The following FEM1B variants were observed in gnomAD, a reference collection of about 807,000 sequenced individuals.
The protein encoded by FEM1B is protein fem-1 homolog B.
A neutral mutation model predicts 38.6 loss-of-function variants in FEM1B; 10 were observed. That is an observed-to-expected ratio of 0.26 (90% CI 0.16 to 0.44). The LOEUF is 0.44. Ranked by LOEUF, FEM1B falls within the 20% of genes least tolerant of loss-of-function variation. FEM1B has a pLI of 1.00. For missense variants in FEM1B, 471 were observed against 786.7 expected (o/e 0.60, Z 4.80); for synonymous variants, 288 against 288.0 (o/e 1.00, Z 0.00).
rs1892768843 is a variant in FEM1B, at chr15:68,284,881, C to A, written c.249-4726C>A. On this transcript the variant is annotated intron_variant, in intron 1 of 1. Coordinates refer to ENST00000306917, the MANE Select transcript of FEM1B (RefSeq NM_015322.5). This position sits in a 1 kb window ranked among gnomAD's most constrained non-coding sequence, Gnocchi z 4.4. ...ATGATTGTAAGGGGGAGATTCCCTG[C>A]ACAAGCTCACTTTGCCTGCTGCCAT... 6.6e-6 allele frequency among the ~76,000 whole-genome samples: 1 copy of A among 152,216 alleles called. No homozygotes were observed. The highest frequency in any genetic ancestry group is 2.1e-4 in the South Asian group (1 of 4,832).
chr15:68,280,817 A>G lies in FEM1B; in HGVS notation c.248+2152A>G, dbSNP rs769254664. ...TAAGATTTCATCTCCTTGATTCTGT[A>G]TATCAGTTTAGCTTATGGATTATTA... On this transcript the variant is annotated intron_variant, in intron 1 of 1. Coordinates refer to ENST00000306917, the MANE Select transcript of FEM1B (RefSeq NM_015322.5). This position sits in a 1 kb window ranked among gnomAD's most constrained non-coding sequence, Gnocchi z 4.2. 2.6e-5 allele frequency among the ~76,000 whole-genome samples: 4 copies of G among 152,226 alleles called. No homozygotes were observed. The highest frequency in any genetic ancestry group is 4.8e-5 in the African/African-American group (2 of 41,450).
Position 68,278,689 on chromosome 15 carries a change from C to T in FEM1B, c.248+24C>T, listed in dbSNP as rs777735211. On this transcript the variant is annotated intron_variant, in intron 1 of 1. Coordinates refer to ENST00000306917, the MANE Select transcript of FEM1B (RefSeq NM_015322.5). This position sits in a 1 kb window ranked among gnomAD's most constrained non-coding sequence, Gnocchi z 5.7. ...GGGTAGGTACATCCCAAGCCAGCCT[C>T]TCTCCGACGCGCGCGGACTCGTTAA... The T allele has an allele frequency of 1.2e-5, 19 of 1,610,854 alleles. No homozygotes were observed. The African/African-American group carries it at 2.4e-4, about 20-fold the overall frequency.
chr15:68,279,425 G>A (rs2140241210), intron 1 of FEM1B, among the ~76,000 whole-genome samples: 1 of 152,246 alleles, frequency 6.6e-6, no homozygotes, highest in Non-Finnish European at 1.5e-5. Flanking sequence ...GAGTTTAATT[G>A]TACGAATTTT....
intron 1 of FEM1B, among the ~76,000 whole-genome samples, chr15:68,279,064 C>T (rs1363162806): frequency 1.3e-5 from 2 of 152,128 alleles, no homozygotes; most frequent in African/African-American, 2.4e-5. Context: ...TGAAGAACTC[C>T]GAAAGAGTTA....
At chr15:68,286,982 G>A (rs1485019256) in intron 1 of FEM1B, among the ~76,000 whole-genome samples, 1 of 149,366 alleles carries the variant, frequency 6.7e-6, no homozygotes, top group Non-Finnish European at 1.5e-5. Flanking sequence ...CTGCCTCCTG[G>A]GTTCAAGTGA....
rs1892769843 is a variant in FEM1B at position 68,284,945 on chromosome 15, A to G, written c.249-4662A>G. 6.6e-6 allele frequency among the ~76,000 whole-genome samples: 1 copy of G among 152,208 alleles called. No homozygotes were observed. Among genetic ancestry groups the G allele is most frequent in the Admixed American group, 6.5e-5 (1 of 15,278 alleles). On this transcript the variant is annotated intron_variant, in intron 1 of 1. Coordinates refer to ENST00000306917, the MANE Select transcript of FEM1B (RefSeq NM_015322.5). The surrounding 1 kb of genome is among the most constrained non-coding windows in gnomAD (Gnocchi z 4.4). ...GACTTGCTGCTCCTTGCCTTCTGCC[A>G]TGATTGTGAAGCCTCCCCACCCATG...
intron 1 of FEM1B, among the ~76,000 whole-genome samples, chr15:68,285,785 G>GCC (rs34601322): frequency 5.3e-5 from 8 of 151,026 alleles, no homozygotes; most frequent in Non-Finnish European, 7.4e-5. Flanking sequence ...CCTCTTCTTA[G>GCC]CCCCCCCGCA....
chr15:68,294,828 TAAAGA>T lies in FEM1B; in HGVS notation c.*3590_*3594del, dbSNP rs1414120672. The T allele has an allele frequency of 6.6e-6, 1 of 152,178 alleles. No homozygotes were observed. The highest frequency in any genetic ancestry group is 1.5e-5 in the Non-Finnish European group (1 of 68,008). 9.4% of individuals were successfully genotyped at this position (152,178 alleles called of 1,614,324 possible). On this transcript the variant is annotated 3_prime_UTR_variant, in exon 2 of 2. Coordinates refer to ENST00000306917, the MANE Select transcript of FEM1B (RefSeq NM_015322.5). The surrounding 1 kb of genome is among the most constrained non-coding windows in gnomAD (Gnocchi z 4.4). Reference sequence around the variant, plus strand: ...TGACTATATAACATTAAAAAGGGGTTAAAGAAAACAAAACTCTGCCTTTTGTGCTA... The same window carrying T: ...TGACTATATAACATTAAAAAGGGGTTAAACAAAACTCTGCCTTTTGTGCTA...
chr15:68,289,638 TG>T lies in FEM1B; in HGVS notation c.281del (p.Cys94LeufsTer14). 1.2e-6 allele frequency: 2 copies of T among 1,614,108 alleles called. No homozygotes were observed. Among genetic ancestry groups the T allele is most frequent in the Non-Finnish European group, 1.7e-6 (2 of 1,179,974 alleles). Reference protein sequence around the residue: ...YVIDGATALWCAAGAGHFEVV... With the variant: ...YVIDGATALWXAAGAGHFEVV... ...CATTGATGGTGCCACTGCTCTTTGG[TG>T]TGCAGCTGGAGCAGGACATTTTGAA... On this transcript the variant is annotated frameshift_variant, in exon 2 of 2. Coordinates refer to ENST00000306917, the MANE Select transcript of FEM1B (RefSeq NM_015322.5). LOFTEE classifies it high-confidence loss of function. The surrounding 1 kb of genome is among the most constrained non-coding windows in gnomAD (Gnocchi z 6.9).
rs1215042408 is a variant in FEM1B at position 68,291,520 on chromosome 15, T to A, written c.*278T>A. 1 of 350,368 alleles carries A rather than the reference T, an allele frequency of 2.9e-6. No individual in the cohort carries two copies. The highest frequency in any genetic ancestry group is 5.1e-6 in the Non-Finnish European group (1 of 195,722). The allele number at this position is 350,368 out of a possible 1,614,324, so 21.7% of individuals were successfully genotyped here. On this transcript the variant is annotated 3_prime_UTR_variant, in exon 2 of 2. Transcript: ENST00000306917. This position sits in a 1 kb window ranked among gnomAD's most constrained non-coding sequence, Gnocchi z 6.9. Reference sequence around the variant, plus strand: ...TTTTAAAGGAACAGATATAAAATGTTTTGTTTATGTAACAAGGGACATTTA... The same window carrying A: ...TTTTAAAGGAACAGATATAAAATGTATTGTTTATGTAACAAGGGACATTTA...
chr15:68,279,145 A>C (rs1206905123), intron 1 of FEM1B, among the ~76,000 whole-genome samples: 1 of 152,178 alleles, frequency 6.6e-6, no homozygotes, highest in African/African-American at 2.4e-5. Flanking sequence ...CTGGGCTTTA[A>C]TGTCAAAATA....
At position 68,278,591 on chromosome 15, in the gene FEM1B, C is replaced by T. The variant is rs1892689639; in HGVS notation, c.174C>T (p.His58=). The T allele has an allele frequency of 1.9e-6, 3 of 1,614,106 alleles. No homozygotes were observed. The highest frequency in any genetic ancestry group is 1.1e-5 in the South Asian group (1 of 91,084). Residue 58 remains histidine, a synonymous_variant, in exon 1 of 2, where the codon CAC becomes CAT. Coordinates refer to ENST00000306917, the MANE Select transcript of FEM1B (RefSeq NM_015322.5). This position sits in a 1 kb window ranked among gnomAD's most constrained non-coding sequence, Gnocchi z 5.7. The part of the protein sequence containing the change: ...TPLIIAARNG[H]AKVVRLLLEH... ...TCATCATCGCAGCCCGCAATGGACA[C>T]GCAAAGGTGGTACGCTTGCTCTTAG...
At chr15:68,286,167 A>G (rs1038393570) in intron 1 of FEM1B, among the ~76,000 whole-genome samples, 3 of 150,722 alleles carry the variant, frequency 2.0e-5, no homozygotes, top group African/African-American at 7.3e-5. Context: ...ATTTCACTGG[A>G]GCCTTTGTCA....
At chr15:68,287,431 C>A (rs1301039961) in intron 1 of FEM1B, among the ~76,000 whole-genome samples, 1 of 152,146 alleles carries the variant, frequency 6.6e-6, no homozygotes, top group East Asian at 1.9e-4. Context: ...CAGTCCTAGC[C>A]TCTTCTCTGT....
In FEM1B at chr15:68,291,196, A is replaced by G. The variant is rs1892844083; in HGVS notation, c.1838A>G (p.Gln613Arg). 4 of 1,612,420 alleles carry G rather than the reference A, an allele frequency of 2.5e-6. No homozygotes were observed. The highest frequency in any genetic ancestry group is 3.4e-6 in the Non-Finnish European group (4 of 1,179,446). The stretch of plus-strand genomic sequence containing the variant: ...GTTCGGGCTAATGACATTAACTACC[A>G]AGACCAGATCCCCAGAACTCTTGAA... ...RAVRANDINY[Q>R]DQIPRTLEEF... The change falls in exon 2 of 2, where the codon CAA (glutamine) becomes CGA (arginine). Residue 613 changes from glutamine to arginine, a missense_variant. Coordinates refer to ENST00000306917, the MANE Select transcript of FEM1B (RefSeq NM_015322.5). The surrounding 1 kb of genome is among the most constrained non-coding windows in gnomAD (Gnocchi z 6.9).
Position 68,284,264 on chromosome 15 carries a change from A to T in FEM1B, c.249-5343A>T, listed in dbSNP as rs141165548. Among the ~76,000 whole-genome samples, 85 of 152,238 alleles carry T rather than the reference A, an allele frequency of 5.6e-4. 1 individual carries two copies. In the East Asian group the frequency reaches 0.013, roughly 23 times the overall value. On this transcript the variant is annotated intron_variant, in intron 1 of 1. Transcript: ENST00000306917. This position sits in a 1 kb window ranked among gnomAD's most constrained non-coding sequence, Gnocchi z 4.4. Reference sequence around the variant, plus strand: ...ATATAATAGTATAATAGGGCATAATAATAGTACCTACCTCACAGGATTATT... The same window carrying T: ...ATATAATAGTATAATAGGGCATAATTATAGTACCTACCTCACAGGATTATT...
In FEM1B at chr15:68,293,108, T is replaced by G. The variant is rs1038477883; in HGVS notation, c.*1866T>G. On this transcript the variant is annotated 3_prime_UTR_variant, in exon 2 of 2. Coordinates refer to ENST00000306917, the MANE Select transcript of FEM1B (RefSeq NM_015322.5). The surrounding 1 kb of genome is among the most constrained non-coding windows in gnomAD (Gnocchi z 5.8). ...CCAGACTTGATCCTCCTGGTATGAA[T>G]CAAGGAAATACTGTACCTTGCTCTT... 1 of 152,158 alleles carries G rather than the reference T, an allele frequency of 6.6e-6. No individual in the cohort carries two copies. Among genetic ancestry groups the G allele is most frequent in the African/African-American group, 2.4e-5 (1 of 41,422 alleles). The allele number at this position is 152,158 out of a possible 1,614,324, so 9.4% of individuals were successfully genotyped here.
Position 68,290,678 on chromosome 15 carries a change from T to C in FEM1B, c.1320T>C (p.Tyr440=), listed in dbSNP as rs1487218668. ...ATGTCCACAATGCTATGGACAATTA[T>C]GAATGTAATCTCTATACCTTTCTGT... ...DADVHNAMDN[Y]ECNLYTFLYL... is the part of the protein sequence containing the mutation. The change falls in exon 2 of 2, where the codon TAT becomes TAC. Residue 440 remains tyrosine, a synonymous_variant. Coordinates refer to ENST00000306917, the MANE Select transcript of FEM1B (RefSeq NM_015322.5). The surrounding 1 kb of genome is among the most constrained non-coding windows in gnomAD (Gnocchi z 9.7). 4 of 1,613,976 alleles carry C rather than the reference T, an allele frequency of 2.5e-6. No homozygotes were observed. Among genetic ancestry groups the C allele is most frequent in the Admixed American group, 3.3e-5 (2 of 60,030 alleles).
Position 68,288,348 on chromosome 15 carries a change from A to G in FEM1B, c.249-1259A>G, listed in dbSNP as rs1477605357. 1.3e-5 allele frequency among the ~76,000 whole-genome samples: 2 copies of G among 152,262 alleles called. No homozygotes were observed. The highest frequency in any genetic ancestry group is 2.9e-5 in the Non-Finnish European group (2 of 68,046). On this transcript the variant is annotated intron_variant, in intron 1 of 1. Transcript: ENST00000306917. This position sits in a 1 kb window ranked among gnomAD's most constrained non-coding sequence, Gnocchi z 4.6. ...AGTGTTATAAGGTTGTATAGTGAGA[A>G]GCTCACTAGTGTGGTTTTTGGTGTG...
Sources: gnomAD v4.1 joint callset for allele counts (sites outside exome capture counted in the v4.1 genomes callset) on GRCh38, gnomAD v4.1.1 for gene constraint, Gnocchi (gnomAD v3.1) non-coding constraint, MANE v1.5 for transcripts, NCBI Gene and HGNC (gene_info 2026-07-23, HGNC 2026-07-21) for gene names.